The following RPS6KA4 variants were observed in gnomAD, a reference collection of about 807,000 sequenced individuals.
The protein encoded by RPS6KA4 is ribosomal protein S6 kinase A4.
A neutral mutation model predicts 89.6 loss-of-function variants in RPS6KA4; 38 were observed. The observed-to-expected ratio is 0.42, with a 90% CI of 0.33 to 0.56. The LOEUF is 0.56. RPS6KA4 is among the 20% of genes least tolerant of loss of function. RPS6KA4 has a pLI of 0.07. For synonymous variants in RPS6KA4, 495 were observed against 492.8 expected (o/e 1.00, Z -0.06); for missense variants, 873 against 1,098.8 (o/e 0.79, Z 2.90).
rs776257181 is a variant in RPS6KA4 at position 64,369,789 on chromosome 11, C to T, written c.1693C>T (p.Pro565Ser). The T allele has an allele frequency of 6.8e-6, 11 of 1,609,806 alleles. No individual in the cohort carries two copies. The highest frequency in any genetic ancestry group is 2.2e-5 in the South Asian group (2 of 90,602). Residue 565 changes from proline (P) to serine (S), a missense_variant, in exon 14 of 17, where the codon CCC becomes TCC. Around this residue, in one of 4 missense-constraint regions of RPS6KA4, gnomAD observed 542 missense variants for 736.4 expected, o/e 0.74. Coordinates refer to ENST00000334205, the MANE Select transcript of RPS6KA4 (RefSeq NM_003942.3). ...GTTGCGGCCGCAGAGTCCCGGGGTG[C>T]CCATGCAGACGCCCTGCTTCACGCT... ...ARLRPQSPGV[P>S]MQTPCFTLQY...
chr11:64,371,617 C>G lies in RPS6KA4; in HGVS notation c.*137C>G. ...TCTCCTACCCCACCCCACTCCCAGA[C>G]AGAGCAGAAGTATTTTTATAAGCAG... On this transcript the variant is annotated 3_prime_UTR_variant, in exon 17 of 17. Transcript: ENST00000334205. 1 of 564,828 alleles carries G rather than the reference C, an allele frequency of 1.8e-6. No individual in the cohort carries two copies. Among genetic ancestry groups the G allele is most frequent in the Non-Finnish European group, 3.1e-6 (1 of 318,002 alleles). 35.0% of individuals were successfully genotyped at this position (564,828 alleles called of 1,614,324 possible).
At position 64,366,004 on chromosome 11, in the gene RPS6KA4, A is replaced by G. The variant is rs886577585; in HGVS notation, c.1071+539A>G. 5.9e-5 allele frequency among the ~76,000 whole-genome samples: 9 copies of G among 151,878 alleles called. No homozygotes were observed. In the South Asian group the frequency reaches 6.2e-4, roughly 11 times the overall value. ...CGGTGAGCAGAGATCACACCATTGC[A>G]TTCCAGGTTGGGCGACTGAGTGAAA... On this transcript the variant is annotated intron_variant, in intron 9 of 16. Transcript: ENST00000334205.
Position 64,369,822 on chromosome 11 carries a change from G to A in RPS6KA4, c.1726G>A (p.Ala576Thr). The change falls in exon 14 of 17, where the codon GCT becomes ACT. Residue 576 changes from alanine (A) to threonine (T), a missense_variant. Around this residue, in one of 4 missense-constraint regions of RPS6KA4, gnomAD observed 542 missense variants for 736.4 expected, o/e 0.74. Transcript: ENST00000334205. The part of the protein sequence containing the change: ...MQTPCFTLQY[A>T]APELLAQQGY... ...GACGCCCTGCTTCACGCTGCAGTAC[G>A]CTGCCCCCGAGCTGCTGGCGCAGCA... 1 of 1,597,926 alleles carries A rather than the reference G, an allele frequency of 6.3e-7. No homozygotes were observed. The highest frequency in any genetic ancestry group is 8.5e-7 in the Non-Finnish European group (1 of 1,173,300).
intron 2 of RPS6KA4, chr11:64,359,837 C>T (rs969535279): frequency 4.3e-5 from 23 of 540,946 alleles, no homozygotes; most frequent in African/African-American, 3.8e-4. Flanking sequence ...CCTCTGCCTC[C>T]CTTCCTTGCA....
chr11:64,369,354 A>G (rs984464536), intron 12 of RPS6KA4, 92 bp from the exon 13 acceptor site: 7 of 1,340,640 alleles, frequency 5.2e-6, no homozygotes, highest in South Asian at 1.5e-5. Flanking sequence ...GAACATTGGC[A>G]GGGCCCGAAG....
In RPS6KA4 at chr11:64,370,585, C is replaced by G; in HGVS notation, c.1980C>G (p.Ala660=). ...LVRGLLTVDP[A]KRLKLEGLRG... is the part of the protein sequence containing the mutation. ...CAGGGCTCCTGACCGTGGACCCCGC[C>G]AAGCGGCTGAAGCTCGAGGGACTGC... Residue 660 remains alanine, a synonymous_variant, in exon 16 of 17, where the codon GCC becomes GCG. Coordinates refer to ENST00000334205, the MANE Select transcript of RPS6KA4 (RefSeq NM_003942.3). This position sits in a 1 kb window ranked among gnomAD's most constrained non-coding sequence, Gnocchi z 4.1. The G allele has an allele frequency of 6.3e-7, 1 of 1,592,204 alleles. No homozygotes were observed. Among genetic ancestry groups the G allele is most frequent in the South Asian group, 1.1e-5 (1 of 89,648 alleles).
chr11:64,364,906 ATTTT>A (rs35498968), intron 8 of RPS6KA4, among the ~76,000 whole-genome samples: 1 of 132,492 alleles, frequency 7.5e-6, no homozygotes, highest in Non-Finnish European at 1.6e-5. Context: ...CGCCCAGCTA[ATTTT>A]TTTTTTTTTT....
rs1186120852 is a variant in RPS6KA4, at chr11:64,360,611, G to T, written c.462+19G>T. ...GCACAAGGTGGGTGAAGACCTGGCC[G>T]CAGGCTGTTGCTATGGAAACTGGGT... is the stretch of plus-strand genomic sequence containing the variant. On this transcript the variant is annotated intron_variant, in intron 4 of 16. Transcript: ENST00000334205. The T allele has an allele frequency of 1.9e-6, 3 of 1,565,104 alleles. No individual in the cohort carries two copies. The highest frequency in any genetic ancestry group is 2.7e-5 in the African/African-American group (2 of 73,648).
At chr11:64,364,251 C>T (rs1452226147) in intron 8 of RPS6KA4, among the ~76,000 whole-genome samples, 2 of 151,820 alleles carry the variant, frequency 1.3e-5, no homozygotes, top group African/African-American at 4.8e-5. Flanking sequence ...AGCTGTCTCC[C>T]AGGTAGGGAG....
chr11:64,371,252 G>A, intron 16 of RPS6KA4, 31 bp from the exon 17 acceptor site: 1 of 1,605,770 alleles, frequency 6.2e-7, no homozygotes. Flanking sequence ...TCAGGCGGGG[G>A]TGGGGGCACT....
intron 8 of RPS6KA4, among the ~76,000 whole-genome samples, chr11:64,364,264 G>A (rs1269301499): frequency 1.3e-5 from 2 of 151,958 alleles, no homozygotes; most frequent in Non-Finnish European, 2.9e-5. Flanking sequence ...GTAGGGAGCA[G>A]GAGGAAGGAG....
intron 12 of RPS6KA4, among the ~76,000 whole-genome samples, chr11:64,369,055 G>A (rs2036975768): frequency 6.6e-6 from 1 of 152,204 alleles, no homozygotes; most frequent in Non-Finnish European, 1.5e-5. Flanking sequence ...ACTTTGGGAG[G>A]TCGAGGTGGG....
In RPS6KA4 at chr11:64,359,862, C is replaced by T. The variant is rs1478645131; in HGVS notation, c.128-301C>T. The T allele has an allele frequency of 5.4e-6, 3 of 556,270 alleles. No individual in the cohort carries two copies. In the East Asian group the frequency reaches 9.1e-5, roughly 17 times the overall value. The allele number at this position is 556,270 out of a possible 1,614,324, so 34.5% of individuals were successfully genotyped here. On this transcript the variant is annotated intron_variant, in intron 2 of 16. Transcript: ENST00000334205. ...CCTTCCTTGCACTGGCATCTTTTCA[C>T]ATCCATCTGATCTCTCGCAGGTTTG...
At chr11:64,359,651 C>T in intron 2 of RPS6KA4, 2 of 604,618 alleles carry the variant, frequency 3.3e-6, no homozygotes, top group Non-Finnish European at 5.9e-6. Context: ...CTCCTCCCTC[C>T]ACGGTCCTGT....
Position 64,371,572 on chromosome 11 carries a change from C to G in RPS6KA4, c.*92C>G. On this transcript the variant is annotated 3_prime_UTR_variant, in exon 17 of 17. Transcript: ENST00000334205. Reference sequence around the variant, plus strand: ...GCCTCTGCCTGCGGCTGACCTGATCCCCAAGGGACTGTCCTTTCCTCTCCT... The same window carrying G: ...GCCTCTGCCTGCGGCTGACCTGATCGCCAAGGGACTGTCCTTTCCTCTCCT... 3.3e-6 allele frequency: 2 copies of G among 606,760 alleles called. No homozygotes were observed. The highest frequency in any genetic ancestry group is 3.9e-5 in the South Asian group (2 of 50,834). The allele number at this position is 606,760 out of a possible 1,614,324, so 37.6% of individuals were successfully genotyped here.
chr11:64,363,322 G>A (rs2036802389), intron 8 of RPS6KA4, among the ~76,000 whole-genome samples: 1 of 152,076 alleles, frequency 6.6e-6, no homozygotes. Flanking sequence ...GCACGGGGTG[G>A]GGAAAGCATC....
Position 64,369,593 on chromosome 11 carries a change from G to C in RPS6KA4, c.1576G>C (p.Val526Leu). Residue 526 changes from valine to leucine, a missense_variant, in exon 13 of 17, where the codon GTG (valine) becomes CTG (leucine). Coordinates refer to ENST00000334205, the MANE Select transcript of RPS6KA4 (RefSeq NM_003942.3). The stretch of plus-strand genomic sequence containing the variant: ...GAGCTTCATGCACGAGGAGGCGGGC[G>C]TGGTGCACCGCGACCTCAAGCCGGA... ...AVSFMHEEAG[V>L]VHRDLKPENI... 6.2e-7 allele frequency: 1 copy of C among 1,605,080 alleles called. No individual in the cohort carries two copies. The highest frequency in any genetic ancestry group is 8.5e-7 in the Non-Finnish European group (1 of 1,176,328).
Position 64,370,507 on chromosome 11 carries a change from T to C in RPS6KA4, c.1958-56T>C, listed in dbSNP as rs1233794875. On this transcript the variant is annotated intron_variant, in intron 15 of 16. Coordinates refer to ENST00000334205, the MANE Select transcript of RPS6KA4 (RefSeq NM_003942.3). The surrounding 1 kb of genome is among the most constrained non-coding windows in gnomAD (Gnocchi z 4.1). ...GGAGAGTGGGGCTGTTACGATCTCTTTGGGGCTCAGCCTTTACGCCAGGCT... is the reference window on the plus strand; with the variant it reads ...GGAGAGTGGGGCTGTTACGATCTCTCTGGGGCTCAGCCTTTACGCCAGGCT... The C allele has an allele frequency of 3.1e-6, 5 of 1,596,618 alleles. No homozygotes were observed. In the South Asian group the frequency reaches 4.4e-5, roughly 14 times the overall value.
In RPS6KA4 at chr11:64,368,779, C is replaced by G. The variant is rs1252902389; in HGVS notation, c.1410C>G (p.His470Gln). 2 of 1,568,452 alleles carry G rather than the reference C, an allele frequency of 1.3e-6. No individual in the cohort carries two copies. The highest frequency in any genetic ancestry group is 1.2e-5 in the South Asian group (1 of 85,616). Residue 470 changes from histidine (H) to glutamine (Q), a missense_variant, in exon 12 of 17, where the codon CAC becomes CAG. Physicochemically the swap from His to Gln is conservative, Grantham distance 24. Around this residue, in one of 4 missense-constraint regions of RPS6KA4, gnomAD observed 542 missense variants for 736.4 expected, o/e 0.74. Transcript: ENST00000334205. ...CACACCCCAACGTGGTGAATCTGCA[C>G]GAGGTGCATCACGACCAGGTGATGG... ...CQSHPNVVNLHEVHHDQLHTY... is the reference protein window; with the variant it reads ...CQSHPNVVNLQEVHHDQLHTY...
Sources: allele counts gnomAD v4.1 joint callset (sites outside exome capture counted in the v4.1 genomes callset), GRCh38; gene constraint gnomAD v4.1.1; regional missense constraint gnomAD v4.1.1; non-coding constraint Gnocchi (gnomAD v3.1); transcripts MANE v1.5; gene names NCBI Gene and HGNC (gene_info 2026-07-23, HGNC 2026-07-21).